Variants in GALNT13 observed in about 807,000 individuals in gnomAD.
GALNT13 encodes the protein UDP-GalNAc:polypeptide N-acetylgalactosaminyltransferase 13.
Under a neutral mutation model 64.2 loss-of-function variants are expected in GALNT13, and 28 were observed. That is an observed-to-expected ratio of 0.44 (90% confidence interval 0.32 to 0.60). GALNT13 has a LOEUF of 0.60. Among genes scored for constraint, GALNT13 ranks in the 20% least tolerant of loss-of-function variants. GALNT13 has a pLI of 0.05. For missense variants in GALNT13, 577 were observed against 669.8 expected (o/e 0.86, Z 1.53); for synonymous variants, 214 against 224.6 (o/e 0.95, Z 0.42).
chr2:154,427,673 G>C (rs989170722), intron 11 of GALNT13, among the ~76,000 whole-genome samples: 3 of 152,144 alleles, frequency 2.0e-5, no homozygotes, highest in Non-Finnish European at 2.9e-5. Flanking sequence ...TAGAATTTTA[G>C]AGCATTAAAG....
At chr2:153,472,309 A>G in the GALNT13 span, among the ~76,000 whole-genome samples, 2 of 152,200 alleles carry the variant, frequency 1.3e-5, no homozygotes, top group Non-Finnish European at 2.9e-5. Context: ...AATAAAAAAT[A>G]CCAACATGTA....
intron 2 of GALNT13, chr2:153,926,332 A>C (rs1261850383): frequency 2.0e-5 from 3 of 152,098 alleles, no homozygotes; most frequent in Non-Finnish European, 2.9e-5. Context: ...TGGTGGGAAT[A>C]GTTAAAAGTG....
the GALNT13 span, among the ~76,000 whole-genome samples, chr2:153,206,702 C>G: frequency 6.6e-6 from 1 of 152,024 alleles, no homozygotes; most frequent in Non-Finnish European, 1.5e-5. Flanking sequence ...CAAGCCCATT[C>G]ATACTTTCAA....
At chr2:154,264,158 G>A (rs940465118) in intron 8 of GALNT13, among the ~76,000 whole-genome samples, 10 of 152,148 alleles carry the variant, frequency 6.6e-5, no homozygotes, top group African/African-American at 2.4e-4. Context: ...CTTCACAAGT[G>A]TGTGAGGAAA....
the GALNT13 span, among the ~76,000 whole-genome samples, chr2:153,572,566 T>G: frequency 6.6e-6 from 1 of 151,958 alleles, no homozygotes; most frequent in Non-Finnish European, 1.5e-5. Context: ...CCCTCTTTGA[T>G]GTAGGCACTT....
intron 3 of GALNT13, among the ~76,000 whole-genome samples, chr2:154,134,290 C>A (rs192882193): frequency 3.3e-5 from 5 of 152,110 alleles, no homozygotes; most frequent in Non-Finnish European, 5.9e-5. Context: ...AGTTATCTTA[C>A]CTGAAAGTTG....
At chr2:154,017,990 G>A (rs1329914322) in intron 3 of GALNT13, among the ~76,000 whole-genome samples, 1 of 152,042 alleles carries the variant, frequency 6.6e-6, no homozygotes, top group Non-Finnish European at 1.5e-5. Flanking sequence ...TTACTTTTAT[G>A]CCTCCAAAAG....
At chr2:153,951,319 G>A (rs1019004274) in intron 3 of GALNT13, among the ~76,000 whole-genome samples, 1 of 152,158 alleles carries the variant, frequency 6.6e-6, no homozygotes, top group Non-Finnish European at 1.5e-5. Flanking sequence ...TAAGAGTTGT[G>A]TCACAGAAAG....
At chr2:153,284,164 G>A in the GALNT13 span, among the ~76,000 whole-genome samples, 1 of 152,138 alleles carries the variant, frequency 6.6e-6, no homozygotes, top group East Asian at 1.9e-4. Flanking sequence ...GAGCCCTACT[G>A]CACCACAATC....
chr2:154,149,638 T>C (rs1683854116), intron 4 of GALNT13, among the ~76,000 whole-genome samples: 1 of 152,206 alleles, frequency 6.6e-6, no homozygotes, highest in Non-Finnish European at 1.5e-5. Flanking sequence ...GAAGAGGTCC[T>C]TCACGTCCCT....
the GALNT13 span, among the ~76,000 whole-genome samples, chr2:153,480,573 ATAAG>A: frequency 1.3e-5 from 2 of 152,168 alleles, no homozygotes; most frequent in African/African-American, 2.4e-5. Context: ...TTAATAATTG[ATAAG>A]TAAGAATTTA....
intron 8 of GALNT13, among the ~76,000 whole-genome samples, chr2:154,264,387 C>T (rs1041728200): frequency 6.7e-6 from 1 of 149,710 alleles, no homozygotes; most frequent in South Asian, 2.1e-4. Context: ...TTTGAGAGAT[C>T]GAGCAGGCAG....
the GALNT13 span, among the ~76,000 whole-genome samples, chr2:153,824,724 G>A: frequency 1.3e-5 from 2 of 152,112 alleles, no homozygotes; most frequent in African/African-American, 4.8e-5. Context: ...AGTGGGGCCT[G>A]GTGGGAGGTG....
intron 3 of GALNT13, among the ~76,000 whole-genome samples, chr2:153,988,063 TATATATATATAC>T (rs1490556195): frequency 4.3e-5 from 6 of 139,374 alleles, no homozygotes; most frequent in Admixed American, 1.4e-4. Flanking sequence ...GTGACATATA[TATATATATATAC>T]ACACACACAC....
the GALNT13 span, among the ~76,000 whole-genome samples, chr2:153,856,240 T>G: frequency 2.7e-5 from 1 of 37,568 alleles, no homozygotes; most frequent in Non-Finnish European, 4.9e-5. Context: ...TGTATCTCAA[T>G]AAAGCTGTGA....
chr2:153,238,938 G>C, the GALNT13 span, among the ~76,000 whole-genome samples: 5 of 152,074 alleles, frequency 3.3e-5, no homozygotes, highest in African/African-American at 9.7e-5. Context: ...TGATTAGTAT[G>C]AACATTTTAA....
chr2:153,242,871 C>T, the GALNT13 span, among the ~76,000 whole-genome samples: 2 of 152,176 alleles, frequency 1.3e-5, no homozygotes, highest in Admixed American at 1.3e-4. Flanking sequence ...CCTCATGGAA[C>T]CCCAGGAATT....
At chr2:153,442,531 C>T in the GALNT13 span, among the ~76,000 whole-genome samples, 4 of 152,120 alleles carry the variant, frequency 2.6e-5, no homozygotes, top group Admixed American at 1.3e-4. Flanking sequence ...GTACCAGCTT[C>T]TTTTTGTACC....
At chr2:154,072,680 A>G (rs1461943584) in intron 3 of GALNT13, among the ~76,000 whole-genome samples, 2 of 152,010 alleles carry the variant, frequency 1.3e-5, no homozygotes, top group Non-Finnish European at 2.9e-5. Context: ...TAGAGTACTG[A>G]TGGTACCTAT....
Sources: allele counts gnomAD v4.1 joint callset (sites outside exome capture counted in the v4.1 genomes callset), GRCh38; gene constraint gnomAD v4.1.1; transcripts MANE v1.5; gene names NCBI Gene and HGNC (gene_info 2026-07-23, HGNC 2026-07-21).